Variants in ELMO1 observed in about 807,000 individuals in gnomAD.
The protein encoded by ELMO1 is engulfment and cell motility protein 1.
Under a neutral mutation model 98.9 loss-of-function variants are expected in ELMO1, and 26 were observed. The ratio of observed to expected loss-of-function variants is 0.26; its 90% confidence interval spans 0.19 to 0.36. ELMO1 has a LOEUF of 0.36. Ranked by LOEUF, ELMO1 falls within the 10% of genes least tolerant of loss-of-function variation. The pLI is 1.00. For synonymous variants in ELMO1, 346 were observed against 346.0 expected (o/e 1.00, Z 0.00); for missense variants, 627 against 935.2 (o/e 0.67, Z 4.30).
chr7:37,259,464 G>T, intron 5 of ELMO1, 114 bp from the exon 6 acceptor site: 1 of 1,169,542 alleles, frequency 8.6e-7, no homozygotes, highest in Non-Finnish European at 1.2e-6. Flanking sequence ...AAGACTATCT[G>T]CATATTACAG....
At chr7:37,319,585 A>C (rs1799373452) in intron 2 of ELMO1, among the ~76,000 whole-genome samples, 1 of 152,132 alleles carries the variant, frequency 6.6e-6, no homozygotes, top group Non-Finnish European at 1.5e-5. Flanking sequence ...ATTTCCAATC[A>C]ACTGCTTCCC....
intron 14 of ELMO1, among the ~76,000 whole-genome samples, chr7:37,106,047 C>T (rs973143077): frequency 6.6e-6 from 1 of 152,054 alleles, no homozygotes; most frequent in Admixed American, 6.6e-5. Flanking sequence ...TCTCGATTAA[C>T]AAAAAAGAGT....
chr7:37,167,993 G>T (rs1411800552), intron 13 of ELMO1, among the ~76,000 whole-genome samples: 3 of 151,738 alleles, frequency 2.0e-5, no homozygotes, highest in African/African-American at 7.3e-5. Context: ...ACGTAGATTT[G>T]GTCTTTTCAC....
At chr7:37,170,489 G>C (rs527770884) in intron 13 of ELMO1, among the ~76,000 whole-genome samples, 2 of 152,154 alleles carry the variant, frequency 1.3e-5, no homozygotes, top group African/African-American at 4.8e-5. Context: ...AGTCAGAATT[G>C]TGTTAACATG....
At chr7:36,929,005 C>T (rs1785807814) in intron 16 of ELMO1, among the ~76,000 whole-genome samples, 1 of 152,240 alleles carries the variant, frequency 6.6e-6, no homozygotes, top group African/African-American at 2.4e-5. Context: ...CACTGAGCTA[C>T]ATGCTGCATC....
intron 2 of ELMO1, among the ~76,000 whole-genome samples, chr7:37,324,405 G>GAAAA (rs10632648): frequency 6.6e-6 from 1 of 151,746 alleles, no homozygotes; most frequent in Non-Finnish European, 1.5e-5. Flanking sequence ...GCATCACCCA[G>GAAAA]AAAAAAAAGG....
intron 1 of ELMO1, chr7:37,343,021 A>T (rs1251592330): frequency 3.6e-6 from 1 of 279,236 alleles, no homozygotes; most frequent in African/African-American, 2.2e-5. Context: ...GGCTTGCGCG[A>T]ATCTTCAGTG....
At chr7:37,330,882 G>A (rs1800066662) in intron 2 of ELMO1, among the ~76,000 whole-genome samples, 1 of 152,022 alleles carries the variant, frequency 6.6e-6, no homozygotes, top group Non-Finnish European at 1.5e-5. Flanking sequence ...GTAAAATAAG[G>A]GCCATATGGA....
chr7:37,027,976 A>T (rs967164429), intron 15 of ELMO1, among the ~76,000 whole-genome samples: 1 of 152,226 alleles, frequency 6.6e-6, no homozygotes, highest in African/African-American at 2.4e-5. Context: ...TTAAGAGAGC[A>T]GCCTAGAAAG....
At chr7:36,889,816 C>CT (rs1048909562) in intron 17 of ELMO1, among the ~76,000 whole-genome samples, 13 of 151,420 alleles carry the variant, frequency 8.6e-5, no homozygotes, top group South Asian at 4.2e-4. Flanking sequence ...TTACTCCCCG[C>CT]TTTTTTTTTG....
chr7:37,345,582 T>C (rs73112681), intron 1 of ELMO1, among the ~76,000 whole-genome samples: 3,318 of 151,378 alleles, frequency 0.022, 50 homozygotes, highest in Middle Eastern at 0.045. Context: ...GTGGTGGTGC[T>C]TGTAATCGCA....
At chr7:37,409,565 G>A (rs1803911011) in intron 1 of ELMO1, among the ~76,000 whole-genome samples, 1 of 152,206 alleles carries the variant, frequency 6.6e-6, no homozygotes, top group African/African-American at 2.4e-5. Context: ...TCATATGGCT[G>A]GAAAGTTGAG....
intron 2 of ELMO1, among the ~76,000 whole-genome samples, chr7:37,332,095 G>C (rs1583567818): frequency 6.6e-6 from 1 of 152,180 alleles, no homozygotes; most frequent in African/African-American, 2.4e-5. Flanking sequence ...GTTTGTCCCA[G>C]AGTAAGGATT....
chr7:37,005,761 G>C (rs1376600638), intron 16 of ELMO1, among the ~76,000 whole-genome samples: 2 of 147,780 alleles, frequency 1.4e-5, no homozygotes, highest in Non-Finnish European at 3.0e-5. Flanking sequence ...GGAGCAGCTT[G>C]TCCACCTTTC....
rs551831845 is a variant in ELMO1 at position 37,105,154 on chromosome 7, A to G, written c.1192-8427T>C. On this transcript the variant is annotated intron_variant, in intron 14 of 21. Transcript: ENST00000310758. ...AACAAAAGCAGGACGCGCAAAACAC[A>G]CAGAGCAATCAAAGCCACGTTTTGC... 5.3e-5 allele frequency among the ~76,000 whole-genome samples: 8 copies of G among 152,342 alleles called. No homozygotes were observed. The East Asian group carries it at 1.3e-3, about 26-fold the overall frequency.
intron 13 of ELMO1, among the ~76,000 whole-genome samples, chr7:37,162,468 G>A (rs1037890374): frequency 6.6e-6 from 1 of 152,134 alleles, no homozygotes; most frequent in African/African-American, 2.4e-5. Context: ...TCATGCACAG[G>A]CTCAGCAATC....
At chr7:36,973,864 T>A (rs1484401137) in intron 16 of ELMO1, among the ~76,000 whole-genome samples, 1 of 152,174 alleles carries the variant, frequency 6.6e-6, no homozygotes, top group Non-Finnish European at 1.5e-5. Flanking sequence ...TGCCGAGCAA[T>A]GAGGGGCTTA....
intron 2 of ELMO1, among the ~76,000 whole-genome samples, chr7:37,330,447 T>C (rs1386043282): frequency 1.3e-5 from 2 of 152,090 alleles, no homozygotes; most frequent in East Asian, 3.8e-4. Flanking sequence ...GTTTTGTTTC[T>C]TTTTTTTCAT....
At chr7:37,303,763 T>C (rs1040766620) in intron 4 of ELMO1, among the ~76,000 whole-genome samples, 1 of 152,226 alleles carries the variant, frequency 6.6e-6, no homozygotes, top group African/African-American at 2.4e-5. Flanking sequence ...ATTAGTTTCA[T>C]AGCTGAACTG....
Sources: gnomAD v4.1 joint callset for allele counts (sites outside exome capture counted in the v4.1 genomes callset) on GRCh38, gnomAD v4.1.1 for gene constraint, MANE v1.5 for transcripts, NCBI Gene and HGNC (gene_info 2026-07-23, HGNC 2026-07-21) for gene names.